POU6F2: variants seen among roughly 807,000 people sequenced by gnomAD.
The protein encoded by POU6F2 is POU class 6 homeobox 2, also known as POU domain, class 6, transcription factor 2.
POU6F2 carries 31 observed loss-of-function variants against 71.3 expected under a neutral mutation model. The observed-to-expected ratio is 0.43, with a 90% confidence interval of 0.33 to 0.59. POU6F2 has a LOEUF of 0.59. Among genes scored for constraint, POU6F2 ranks in the 20% least tolerant of loss-of-function variants. The pLI is 0.04. For synonymous variants in POU6F2, 347 were observed against 355.7 expected, an observed-to-expected ratio of 0.98 and a Z score of 0.27; for missense variants, 783 against 856.8, an observed-to-expected ratio of 0.91 and a Z score of 1.07.
chr7:39,071,873 T>C (rs1304835329), intron 1 of POU6F2, among the ~76,000 whole-genome samples: 1 of 152,198 alleles, frequency 6.6e-6, no homozygotes, highest in Non-Finnish European at 1.5e-5. Flanking sequence ...CTAATTCGGA[T>C]TTTTCTGCTT....
chr7:39,400,146 A>G (rs1167346904), intron 5 of POU6F2, among the ~76,000 whole-genome samples: 4 of 151,966 alleles, frequency 2.6e-5, no homozygotes, highest in African/African-American at 9.7e-5. Context: ...GGGTTTGGCT[A>G]CTCTACCAGC....
At position 39,204,293 on chromosome 7, in the gene POU6F2, T is replaced by G; in HGVS notation, c.336T>G (p.Ser112Arg). The change falls in exon 3 of 10, where the codon AGT becomes AGG. Residue 112 changes from serine (S) to arginine (R), a missense_variant. Ser to Arg is a moderately radical substitution (Grantham distance 110). This residue lies in a region of POU6F2 where 572 missense variants were observed against 572.9 expected (regional missense o/e 1.00). Transcript: ENST00000518318. ...DPGTPDQHQASQTHPPFPVGP... is the reference protein window; with the variant it reads ...DPGTPDQHQARQTHPPFPVGP... ...GCACTCCTGACCAACACCAGGCCAGTCAGACCCACCCCCCATTTCCAGTTG... is the reference window on the plus strand; with the variant it reads ...GCACTCCTGACCAACACCAGGCCAGGCAGACCCACCCCCCATTTCCAGTTG... 6.2e-7 allele frequency: 1 copy of G among 1,613,832 alleles called. No individual in the cohort carries two copies. The highest frequency in any genetic ancestry group is 8.5e-7 in the Non-Finnish European group (1 of 1,179,818).
intron 1 of POU6F2, among the ~76,000 whole-genome samples, chr7:39,024,416 G>C (rs1789751298): frequency 6.6e-6 from 1 of 151,918 alleles, no homozygotes; most frequent in Non-Finnish European, 1.5e-5. Flanking sequence ...CTGAGACGAT[G>C]GGGTTTTCTA....
intron 6 of POU6F2, among the ~76,000 whole-genome samples, chr7:39,431,711 C>G (rs1295154640): frequency 1.3e-5 from 2 of 152,248 alleles, no homozygotes; most frequent in African/African-American, 4.8e-5. Flanking sequence ...TGTGAAGAGA[C>G]TCAGCTGAGT....
At chr7:39,004,243 A>C (rs1010910349) in intron 1 of POU6F2, among the ~76,000 whole-genome samples, 1 of 152,238 alleles carries the variant, frequency 6.6e-6, no homozygotes, top group African/African-American at 2.4e-5. Flanking sequence ...ACTTCACAGA[A>C]ATATTTTTAA....
At chr7:39,196,260 C>A (rs1434196259) in intron 2 of POU6F2, among the ~76,000 whole-genome samples, 1 of 152,168 alleles carries the variant, frequency 6.6e-6, no homozygotes, top group Non-Finnish European at 1.5e-5. Context: ...TTGAAGAATT[C>A]ATACCTTGTC....
At chr7:39,418,046 A>G (rs1468356934) in intron 6 of POU6F2, among the ~76,000 whole-genome samples, 1 of 152,208 alleles carries the variant, frequency 6.6e-6, no homozygotes, top group Non-Finnish European at 1.5e-5. Context: ...CACACACAAT[A>G]TGGTTTATTC....
intron 5 of POU6F2, among the ~76,000 whole-genome samples, chr7:39,368,177 G>A (rs1256301165): frequency 6.6e-6 from 1 of 152,202 alleles, no homozygotes; most frequent in African/African-American, 2.4e-5. Flanking sequence ...ATCAAGAAAG[G>A]CAGAAAACTA....
intron 2 of POU6F2, among the ~76,000 whole-genome samples, chr7:39,098,035 G>C (rs1361736873): frequency 1.3e-5 from 2 of 152,136 alleles, no homozygotes; most frequent in Non-Finnish European, 2.9e-5. Context: ...TTCGTCACAG[G>C]GTTTGGTGCA....
intron 1 of POU6F2, among the ~76,000 whole-genome samples, chr7:39,068,883 TA>T (rs1282832778): frequency 6.6e-6 from 1 of 152,112 alleles, no homozygotes; most frequent in African/African-American, 2.4e-5. Flanking sequence ...AGGAACGTAT[TA>T]AAAGCATAGA....
Position 39,467,741 on chromosome 7 carries a change from G to C in POU6F2, c.*3055G>C, listed in dbSNP as rs1303218170. 6.6e-6 allele frequency: 1 copy of C among 151,668 alleles called. No homozygotes were observed. Among genetic ancestry groups the C allele is most frequent in the Admixed American group, 6.6e-5 (1 of 15,208 alleles). The allele number at this position is 151,668 out of a possible 1,614,324, so 9.4% of individuals were successfully genotyped here. A position where few individuals can be genotyped will look rare whatever the true frequency, so the allele number is the denominator to read the frequency against. On this transcript the variant is annotated 3_prime_UTR_variant, in exon 10 of 10. Transcript: ENST00000518318. ...ACATACACATACAACACAAAAGAGA[G>C]AACAAAAAAGCAAAAGGAGCTAGGA...
intron 5 of POU6F2, among the ~76,000 whole-genome samples, chr7:39,385,728 A>AG (rs1194630025): frequency 2.0e-5 from 3 of 152,114 alleles, no homozygotes; most frequent in Non-Finnish European, 2.9e-5. Flanking sequence ...GCTGTCCGGG[A>AG]GTGCTCTTGG....
intron 1 of POU6F2, among the ~76,000 whole-genome samples, chr7:39,068,315 G>T (rs1008626738): frequency 1.3e-5 from 2 of 151,924 alleles, no homozygotes; most frequent in African/African-American, 4.8e-5. Context: ...ACGTGCACAG[G>T]CCTCATTTTA....
Position 39,069,536 on chromosome 7 carries a change from G to A in POU6F2, c.106-16324G>A, listed in dbSNP as rs548639276. On this transcript the variant is annotated intron_variant, in intron 1 of 9. Coordinates refer to ENST00000518318, the MANE Select transcript of POU6F2 (RefSeq NM_001370959.1). ...ACCCTTGAGCAGCACAGGGGTTGGGGCATCAATCTCCTTGCAGTGCAAAAT... is the reference window on the plus strand; with the variant it reads ...ACCCTTGAGCAGCACAGGGGTTGGGACATCAATCTCCTTGCAGTGCAAAAT... Among the ~76,000 whole-genome samples the A allele has an allele frequency of 2.9e-4, 44 of 152,208 alleles. No homozygotes were observed. The South Asian group carries it at 8.5e-3, about 29-fold the overall frequency.
intron 4 of POU6F2, among the ~76,000 whole-genome samples, chr7:39,232,017 T>C (rs1056418648): frequency 6.6e-6 from 1 of 152,192 alleles, no homozygotes; most frequent in Admixed American, 6.5e-5. Flanking sequence ...ACAAATTATT[T>C]TCAAGAAACA....
At chr7:39,079,335 C>G (rs1306386061) in intron 1 of POU6F2, among the ~76,000 whole-genome samples, 1 of 151,792 alleles carries the variant, frequency 6.6e-6, no homozygotes, top group African/African-American at 2.4e-5. Flanking sequence ...ATTACAGGCG[C>G]CCGCAACCAC....
intron 2 of POU6F2, among the ~76,000 whole-genome samples, chr7:39,112,221 A>G (rs6949857): frequency 4.6e-5 from 7 of 152,180 alleles, no homozygotes; most frequent in African/African-American, 1.4e-4. Flanking sequence ...TGGTTCAGAA[A>G]TTTAAGGACT....
At chr7:39,418,989 A>G (rs907836385) in intron 6 of POU6F2, among the ~76,000 whole-genome samples, 2 of 131,552 alleles carry the variant, frequency 1.5e-5, no homozygotes, top group South Asian at 2.3e-4. Flanking sequence ...ATATATGTGT[A>G]TATATGTGTA....
intron 6 of POU6F2, among the ~76,000 whole-genome samples, chr7:39,410,843 C>G (rs1787536185): frequency 6.6e-6 from 1 of 152,156 alleles, no homozygotes; most frequent in South Asian, 2.1e-4. Context: ...AGAGGCAGTA[C>G]AGTGTACAAG....
Sources: allele counts gnomAD v4.1 joint callset (sites outside exome capture counted in the v4.1 genomes callset), GRCh38; gene constraint gnomAD v4.1.1; regional missense constraint gnomAD v4.1.1; transcripts MANE v1.5; gene names NCBI Gene and HGNC (gene_info 2026-07-23, HGNC 2026-07-21).